Variants in RAP1GAP2 observed in about 807,000 individuals in gnomAD.
RAP1GAP2 encodes the protein RAP1 GTPase activating protein 2, also known as rap1 GTPase-activating protein 2.
RAP1GAP2 carries 27 observed loss-of-function variants against 95.0 expected under a neutral mutation model. That is an observed-to-expected ratio of 0.28 (90% confidence interval 0.21 to 0.39). The LOEUF (loss-of-function observed/expected upper bound fraction) is 0.39. Among genes scored for constraint, RAP1GAP2 ranks in the 10% least tolerant of loss-of-function variants. The pLI is 1.00. For synonymous variants in RAP1GAP2, 373 were observed against 380.9 expected (o/e 0.98, Z 0.24); for missense variants, 771 against 970.0 (o/e 0.79, Z 2.72).
intron 10 of RAP1GAP2, among the ~76,000 whole-genome samples, chr17:2,982,772 G>A (rs1289567825): frequency 6.6e-6 from 1 of 152,072 alleles, no homozygotes; most frequent in Non-Finnish European, 1.5e-5. Flanking sequence ...GACCAATGGT[G>A]TTTATTTGCA....
upstream of RAP1GAP2, among the ~76,000 whole-genome samples, chr17:2,792,184 A>G (rs150994105): frequency 5.5e-4 from 83 of 152,164 alleles, 1 homozygote; most frequent in East Asian, 7.9e-3. Context: ...TTGACTCACA[A>G]TCCTTCCCAG....
intron 3 of RAP1GAP2, among the ~76,000 whole-genome samples, chr17:2,918,702 C>G (rs1195218507): frequency 6.6e-6 from 1 of 152,078 alleles, no homozygotes; most frequent in Non-Finnish European, 1.5e-5. Flanking sequence ...GGTGGTAAAG[C>G]ATTCATGAGA....
chr17:2,795,735 A>G (rs1475283437), upstream of RAP1GAP2, among the ~76,000 whole-genome samples: 13 of 152,152 alleles, frequency 8.5e-5, no homozygotes, highest in South Asian at 2.1e-4. Context: ...CACGTGTCCA[A>G]TGGGGCTTTG....
chr17:2,875,037 C>T (rs2073031979), intron 2 of RAP1GAP2, among the ~76,000 whole-genome samples: 1 of 152,150 alleles, frequency 6.6e-6, no homozygotes, highest in Non-Finnish European at 1.5e-5. Context: ...GGGGACGGCG[C>T]CCTTCGACAT....
At chr17:2,987,433 G>C in intron 11 of RAP1GAP2, among the ~76,000 whole-genome samples, 1 of 151,172 alleles carries the variant, frequency 6.6e-6, no homozygotes, top group East Asian at 1.9e-4. Flanking sequence ...GTGTGATCTC[G>C]GCTCATTGCA....
rs11871449 is a variant in RAP1GAP2, at chr17:2,903,794, C to T, written c.81-1490C>T. ...TCAACTGCAGGGGCAGGCAGGGGTA[C>T]ACATGACCCAGGCCTAGCCTGGAAG... On this transcript the variant is annotated intron_variant, in intron 2 of 24. Coordinates refer to ENST00000254695, the MANE Select transcript of RAP1GAP2 (RefSeq NM_015085.5). The surrounding 1 kb of genome is among the most constrained non-coding windows in gnomAD (Gnocchi z 4.1). 0.14 allele frequency among the ~76,000 whole-genome samples: 20,683 copies of T among 152,132 alleles called. 1,587 individuals carry two copies. The highest frequency in any genetic ancestry group is 0.18 in the Middle Eastern group (54 of 294).
chr17:2,969,179 C>CTATCTATCTATA (rs1555581850), intron 8 of RAP1GAP2, among the ~76,000 whole-genome samples: 2,329 of 143,158 alleles, frequency 0.016, 72 homozygotes, highest in African/African-American at 0.055. Flanking sequence ...ATCTATCTAT[C>CTATCTATCTATA]TATATATATA....
At position 2,906,414 on chromosome 17, in the gene RAP1GAP2, G is replaced by A. The variant is rs2042199931; in HGVS notation, c.165+1046G>A. On this transcript the variant is annotated intron_variant, in intron 3 of 24. Coordinates refer to ENST00000254695, the MANE Select transcript of RAP1GAP2 (RefSeq NM_015085.5). This position sits in a 1 kb window ranked among gnomAD's most constrained non-coding sequence, Gnocchi z 4.3. Reference sequence around the variant, plus strand: ...CCATGTGGTATGCCTCGAGGAGCCTGTGTGTTGAGGGGTAGCCAGAGCCTG... The same window carrying A: ...CCATGTGGTATGCCTCGAGGAGCCTATGTGTTGAGGGGTAGCCAGAGCCTG... Among the ~76,000 whole-genome samples, 1 of 152,066 alleles carries A rather than the reference G, an allele frequency of 6.6e-6. No individual in the cohort carries two copies. Among genetic ancestry groups the A allele is most frequent in the South Asian group, 2.1e-4 (1 of 4,820 alleles).
intron 23 of RAP1GAP2, among the ~76,000 whole-genome samples, chr17:3,031,854 G>A (rs1024698513): frequency 2.2e-5 from 3 of 136,468 alleles, no homozygotes; most frequent in Admixed American, 7.3e-5. Flanking sequence ...ACTATCGAGA[G>A]CTCCAGGTCC....
rs143908797 is a variant in RAP1GAP2 at position 2,861,068 on chromosome 17, C to T, written c.81-44216C>T. Among the ~76,000 whole-genome samples the T allele has an allele frequency of 2.1e-3, 317 of 152,182 alleles. 2 individuals carry two copies. The highest frequency in any genetic ancestry group is 3.7e-3 in the Non-Finnish European group (255 of 68,004). On this transcript the variant is annotated intron_variant, in intron 2 of 24. Transcript: ENST00000254695. Reference sequence around the variant, plus strand: ...TTCCACACTTGGAACATGGCAGGCTCGCCCCTGCCACAGGCCCTTTGCACC... The same window carrying T: ...TTCCACACTTGGAACATGGCAGGCTTGCCCCTGCCACAGGCCCTTTGCACC...
chr17:2,938,218 T>TCA (rs1359416462), intron 3 of RAP1GAP2, among the ~76,000 whole-genome samples: 2 of 152,056 alleles, frequency 1.3e-5, no homozygotes, highest in African/African-American at 4.8e-5. Context: ...ATATAGAAAC[T>TCA]GAGGCTCAGA....
intron 8 of RAP1GAP2, among the ~76,000 whole-genome samples, chr17:2,967,221 A>T (rs920059374): frequency 9.9e-5 from 15 of 152,124 alleles, no homozygotes; most frequent in Non-Finnish European, 1.3e-4. Context: ...ACAAAAAAAA[A>T]TTAGCTGGGC....
At chr17:2,771,843 A>G (rs1179188090) in intron 2 of RAP1GAP2, among the ~76,000 whole-genome samples, 2 of 152,174 alleles carry the variant, frequency 1.3e-5, no homozygotes, top group Non-Finnish European at 2.9e-5. Flanking sequence ...GACTTGAAGA[A>G]GAGTCTGCCA....
intron 10 of RAP1GAP2, among the ~76,000 whole-genome samples, chr17:2,983,100 C>G (rs2045428676): frequency 6.6e-6 from 1 of 152,220 alleles, no homozygotes. Flanking sequence ...AGACAGCTGA[C>G]AGCTGAGAGC....
chr17:2,864,976 C>G (rs2072564986), intron 2 of RAP1GAP2, among the ~76,000 whole-genome samples: 1 of 152,188 alleles, frequency 6.6e-6, no homozygotes, highest in South Asian at 2.1e-4. Flanking sequence ...CTTCACTTAC[C>G]TCATTTCATT....
intron 1 of RAP1GAP2, among the ~76,000 whole-genome samples, chr17:2,788,126 G>T (rs887976283): frequency 2.4e-4 from 37 of 152,134 alleles, no homozygotes; most frequent in Admixed American, 1.9e-3. Flanking sequence ...AAAATTGTTG[G>T]CATAAAGGGT....
intron 1 of RAP1GAP2, among the ~76,000 whole-genome samples, chr17:2,766,951 C>T (rs1039370050): frequency 1.3e-5 from 2 of 152,020 alleles, no homozygotes; most frequent in Non-Finnish European, 2.9e-5. Flanking sequence ...ATCCCCTGTG[C>T]CCCACTGGGC....
Position 2,800,572 on chromosome 17 carries a change from TG to T in RAP1GAP2, c.80+23del, listed in dbSNP as rs760152941. On this transcript the variant is annotated intron_variant, in intron 2 of 24. Coordinates refer to ENST00000254695, the MANE Select transcript of RAP1GAP2 (RefSeq NM_015085.5). ...TCAAGTAAGTAGCAATTTCCTGTTC[TG>T]TAAAGGTCAGAGATGACGCGGATCA... 6.0e-5 allele frequency: 97 copies of T among 1,610,150 alleles called. No homozygotes were observed. The Admixed American group carries it at 1.6e-3, about 26-fold the overall frequency.
In RAP1GAP2 at chr17:3,006,025, A is replaced by G. The variant is rs1395487718; in HGVS notation, c.1343A>G (p.Lys448Arg). The part of the protein sequence containing the change: ...NAENACCKSD[K>R]FAKLEDRTRA... ...GAGAACGCCTGCTGCAAGTCGGACA[A>G]GTTTGCAAAGCTGGAGGTGAGAGTG... The change falls in exon 16 of 25, where the codon AAG becomes AGG. Residue 448 changes from lysine (K) to arginine (R), a missense_variant. Physicochemically the swap from Lys to Arg is conservative, Grantham distance 26. Transcript: ENST00000254695. 1.2e-6 allele frequency: 2 copies of G among 1,612,866 alleles called. No individual in the cohort carries two copies. Among genetic ancestry groups the G allele is most frequent in the East Asian group, 2.2e-5 (1 of 44,786 alleles).
Sources: gnomAD v4.1 joint callset for allele counts (sites outside exome capture counted in the v4.1 genomes callset) on GRCh38, gnomAD v4.1.1 for gene constraint, Gnocchi (gnomAD v3.1) non-coding constraint, MANE v1.5 for transcripts, NCBI Gene and HGNC (gene_info 2026-07-23, HGNC 2026-07-21) for gene names.